ADK: variants seen among roughly 807,000 people sequenced by gnomAD.
ADK encodes N6,N6-dimethyladenosine kinase.
In ADK, 24 loss-of-function variants were observed where a neutral mutation model predicts 44.7. The ratio of observed to expected loss-of-function variants is 0.54; its 90% CI spans 0.39 to 0.76. The LOEUF (loss-of-function observed/expected upper bound fraction) is 0.76, where lower values mean the gene tolerates loss of function less well. Ranked by LOEUF, ADK falls within the 30% of genes least tolerant of loss-of-function variation. The probability of loss-of-function intolerance (pLI) is 0.00; values close to 1 mark genes in which losing one functional copy is unlikely to be tolerated. For synonymous variants in ADK, 128 were observed against 142.6 expected, an observed-to-expected ratio of 0.90 and a Z score of 0.73; for missense variants, 321 against 425.1, an observed-to-expected ratio of 0.76 and a Z score of 2.15.
At chr10:74,334,631 A>T (rs1841345827) in intron 4 of ADK, among the ~76,000 whole-genome samples, 1 of 152,166 alleles carries the variant, frequency 6.6e-6, no homozygotes, top group South Asian at 2.1e-4. Flanking sequence ...CCCAGTCTCC[A>T]TAATTTTCTG....
Position 74,172,143 on chromosome 10 carries a change from T to C in ADK, c.65+20800T>C, listed in dbSNP as rs1416204534. On this transcript the variant is annotated intron_variant, in intron 1 of 10. Transcript: ENST00000539909. Reference sequence around the variant, plus strand: ...CCTACAGTACATGGATTTTCTTTTTTTTTTTTTTTTTTTAAGACAGGGTCT... The same window carrying C: ...CCTACAGTACATGGATTTTCTTTTTCTTTTTTTTTTTTTAAGACAGGGTCT... Among the ~76,000 whole-genome samples the C allele has an allele frequency of 4.6e-5, 7 of 151,188 alleles. No homozygotes were observed. The East Asian group carries it at 5.8e-4, about 13-fold the overall frequency.
At chr10:74,643,916 C>A (rs1212039691) in intron 9 of ADK, among the ~76,000 whole-genome samples, 1 of 152,164 alleles carries the variant, frequency 6.6e-6, no homozygotes, top group Admixed American at 6.5e-5. Context: ...TTTAACTAGG[C>A]CCATTACTCT....
intron 6 of ADK, among the ~76,000 whole-genome samples, chr10:74,449,655 G>T (rs935000734): frequency 2.6e-5 from 4 of 152,070 alleles, no homozygotes; most frequent in Non-Finnish European, 4.4e-5. Context: ...TCTTAAAGTT[G>T]TTTCAAGCAT....
intron 3 of ADK, among the ~76,000 whole-genome samples, chr10:74,306,165 G>A (rs1373766302): frequency 2.0e-5 from 3 of 151,400 alleles, no homozygotes; most frequent in Non-Finnish European, 2.9e-5. Context: ...TTTCTGTCCT[G>A]CAGATTGGAA....
intron 4 of ADK, chr10:74,372,477 GT>G: frequency 3.2e-6 from 1 of 313,594 alleles, no homozygotes; most frequent in Non-Finnish European, 5.9e-6. Flanking sequence ...ATAAATGTCA[GT>G]TTAAAAAAAA....
chr10:74,273,936 G>A (rs1052652250), intron 3 of ADK, among the ~76,000 whole-genome samples: 1 of 152,104 alleles, frequency 6.6e-6, no homozygotes, highest in South Asian at 2.1e-4. Context: ...TTTTTCTTAG[G>A]AGGTCTGTGG....
intron 3 of ADK, among the ~76,000 whole-genome samples, chr10:74,232,223 A>G (rs1366170348): frequency 1.3e-5 from 2 of 152,130 alleles, no homozygotes; most frequent in Non-Finnish European, 2.9e-5. Context: ...TTTGTTGCTT[A>G]AAAGAAAATA....
In ADK at chr10:74,352,054, T is replaced by TA. The variant is rs879358173; in HGVS notation, c.273+37321dup. ...CTTCCATTGACTTTCTTCGCAGAGT[T>TA]AAAAAAAAAAAAGAAACAAACCTTA... is the stretch of plus-strand genomic sequence containing the variant. On this transcript the variant is annotated intron_variant, in intron 4 of 10. Coordinates refer to ENST00000539909, the MANE Select transcript of ADK (RefSeq NM_006721.4). Among the ~76,000 whole-genome samples, 552 of 142,798 alleles carry TA rather than the reference T, an allele frequency of 3.9e-3. 6 individuals are homozygous for TA. The highest frequency in any genetic ancestry group is 0.012 in the African/African-American group (463 of 38,906). The allele number at this position is 142,798 out of a possible 152,430, so 93.7% of individuals were successfully genotyped here.
At chr10:74,403,601 G>A (rs185971394) in intron 6 of ADK, among the ~76,000 whole-genome samples, 16 of 152,278 alleles carry the variant, frequency 1.1e-4, no homozygotes, top group South Asian at 4.1e-4. Flanking sequence ...TTGGAAAAGC[G>A]CAGTATTAGG....
intron 3 of ADK, among the ~76,000 whole-genome samples, chr10:74,225,620 T>C (rs1171751489): frequency 1.3e-5 from 2 of 152,222 alleles, no homozygotes; most frequent in African/African-American, 4.8e-5. Flanking sequence ...AAATTGTTAA[T>C]TATAAAATGG....
At chr10:74,532,290 C>A (rs1849314206) in intron 7 of ADK, among the ~76,000 whole-genome samples, 1 of 151,846 alleles carries the variant, frequency 6.6e-6, no homozygotes, top group Non-Finnish European at 1.5e-5. Context: ...CCAGCCTGGC[C>A]AACATTGCAA....
chr10:74,485,742 C>A (rs1847244660), intron 6 of ADK, among the ~76,000 whole-genome samples: 1 of 152,086 alleles, frequency 6.6e-6, no homozygotes, highest in Non-Finnish European at 1.5e-5. Flanking sequence ...AACAAGGCCT[C>A]TACCAAGAAC....
chr10:74,356,002 A>ATATTTTTTTTTTTTT (rs57958159), intron 4 of ADK, among the ~76,000 whole-genome samples: 1 of 83,310 alleles, frequency 1.2e-5, no homozygotes, highest in African/African-American at 5.1e-5. Context: ...TAAATAATTC[A>ATATTTTTTTTTTTTT]TTTTTTTTTT....
At chr10:74,270,062 C>A (rs2132405154) in intron 3 of ADK, among the ~76,000 whole-genome samples, 1 of 151,960 alleles carries the variant, frequency 6.6e-6, no homozygotes, top group South Asian at 2.1e-4. Context: ...AGATATTAGT[C>A]CGATGGTAAT....
chr10:74,425,603 G>A (rs1844764759), intron 6 of ADK, among the ~76,000 whole-genome samples: 1 of 152,070 alleles, frequency 6.6e-6, no homozygotes, highest in Non-Finnish European at 1.5e-5. Flanking sequence ...ATTGAACGTG[G>A]AGTTGGGAAA....
intron 4 of ADK, among the ~76,000 whole-genome samples, chr10:74,337,566 A>G (rs1227142978): frequency 6.6e-6 from 1 of 152,210 alleles, no homozygotes; most frequent in Non-Finnish European, 1.5e-5. Flanking sequence ...TGGGTTATCA[A>G]AGTGAATAGC....
chr10:74,515,909 G>C (rs933678958), intron 6 of ADK, among the ~76,000 whole-genome samples: 1 of 152,176 alleles, frequency 6.6e-6, no homozygotes, highest in Non-Finnish European at 1.5e-5. Context: ...TTGGATCATG[G>C]TGTTCAGAAA....
chr10:74,274,732 G>GTGTATATATATATATATTATATA (rs1554836801), intron 3 of ADK, among the ~76,000 whole-genome samples: 7 of 84,170 alleles, frequency 8.3e-5, no homozygotes, highest in Non-Finnish European at 1.5e-4. Flanking sequence ...TTTAATGTGT[G>GTGTATATATATATATATTATATA]TATATATATA....
At chr10:74,408,503 A>T (rs1844039515) in intron 6 of ADK, among the ~76,000 whole-genome samples, 1 of 152,152 alleles carries the variant, frequency 6.6e-6, no homozygotes, top group South Asian at 2.1e-4. Flanking sequence ...ATATTAGAGT[A>T]AAAGCAGAAA....
Sources: gnomAD v4.1 joint callset for allele counts (sites outside exome capture counted in the v4.1 genomes callset) on GRCh38, gnomAD v4.1.1 for gene constraint, MANE v1.5 for transcripts, NCBI Gene and HGNC (gene_info 2026-07-23, HGNC 2026-07-21) for gene names.